The following RIMS2 variants were observed in gnomAD, a reference collection of about 807,000 sequenced individuals.
RIMS2 encodes the protein regulating synaptic membrane exocytosis protein 2.
A neutral mutation model predicts 174.4 loss-of-function variants in RIMS2; 59 were observed. That is an observed-to-expected ratio of 0.34 (90% CI 0.27 to 0.42). The LOEUF (loss-of-function observed/expected upper bound fraction) is 0.42. Among genes scored for constraint, RIMS2 ranks in the 10% least tolerant of loss-of-function variants. RIMS2 has a pLI of 1.00. For missense variants in RIMS2, 1,620 were observed against 1,666.3 expected (o/e 0.97, Z 0.48); for synonymous variants, 606 against 572.5 (o/e 1.06, Z -0.84).
intron 3 of RIMS2, among the ~76,000 whole-genome samples, chr8:103,800,573 C>T (rs1031345567): frequency 6.6e-6 from 1 of 151,988 alleles, no homozygotes; most frequent in African/African-American, 2.4e-5. Context: ...TTTTTTTATG[C>T]CTCTGTTGAA....
intron 15 of RIMS2, among the ~76,000 whole-genome samples, chr8:103,970,030 G>T (rs1368278757): frequency 6.6e-6 from 1 of 152,186 alleles, no homozygotes; most frequent in Non-Finnish European, 1.5e-5. Flanking sequence ...GATTACAGGT[G>T]TGAGCCACTA....
chr8:103,885,359 G>A, exon 4 of RIMS2: 3 of 1,611,924 alleles, frequency 1.9e-6, no homozygotes, highest in Non-Finnish European at 2.5e-6. Flanking sequence ...GGAAGAAAGA[G>A]AGGAATATTC....
intron 9 of RIMS2, chr8:103,920,926 G>A: frequency 6.4e-6 from 2 of 313,746 alleles, no homozygotes; most frequent in Non-Finnish European, 1.2e-5. Context: ...GTGAACCCGG[G>A]AGGCGGAGCT....
At chr8:103,726,703 TTA>T (rs1297079241) in intron 2 of RIMS2, among the ~76,000 whole-genome samples, 1 of 147,850 alleles carries the variant, frequency 6.8e-6, no homozygotes, top group Non-Finnish European at 1.5e-5. Context: ...TTTATATTAA[TTA>T]TATATATATT....
intron 3 of RIMS2, among the ~76,000 whole-genome samples, chr8:103,835,421 A>G (rs2098875722): frequency 6.6e-6 from 1 of 151,922 alleles, no homozygotes; most frequent in African/African-American, 2.4e-5. Context: ...TTTCTAACAT[A>G]TATTTAGCCT....
chr8:104,027,534 T>A (rs1384944585), intron 19 of RIMS2, among the ~76,000 whole-genome samples: 1 of 152,164 alleles, frequency 6.6e-6, no homozygotes, highest in Non-Finnish European at 1.5e-5. Context: ...AATCATCTTC[T>A]CTTTGTTGTT....
At chr8:104,018,760 A>G (rs2095998159) in intron 19 of RIMS2, among the ~76,000 whole-genome samples, 1 of 152,186 alleles carries the variant, frequency 6.6e-6, no homozygotes, top group South Asian at 2.1e-4. Flanking sequence ...AATTCCATTA[A>G]AACATTTATA....
rs191425810 is a variant in RIMS2, at chr8:103,752,276, T to C, written c.388-13951T>C. On this transcript the variant is annotated intron_variant, in intron 2 of 23. Transcript: ENST00000504942. Reference sequence around the variant, plus strand: ...AGATAGTTGTAGATATGCAGCGTTATTTCTGAGGGCTCTGTTCTGTTCCAT... The same window carrying C: ...AGATAGTTGTAGATATGCAGCGTTACTTCTGAGGGCTCTGTTCTGTTCCAT... Among the ~76,000 whole-genome samples the C allele has an allele frequency of 6.2e-3, 939 of 152,274 alleles. 5 individuals carry two copies. Among genetic ancestry groups the C allele is most frequent in the Non-Finnish European group, 0.011 (734 of 68,018 alleles).
chr8:103,910,134 G>A (rs748639640), exon 5 of RIMS2: 2 of 1,602,142 alleles, frequency 1.2e-6, no homozygotes, highest in African/African-American at 2.7e-5. Flanking sequence ...ACTCTCACAG[G>A]AGACATGGAT....
At chr8:103,985,761 A>G (rs1030866513) in intron 16 of RIMS2, among the ~76,000 whole-genome samples, 6 of 152,224 alleles carry the variant, frequency 3.9e-5, no homozygotes. Context: ...AAATGTAAAT[A>G]TACACAATGA....
Position 103,896,048 on chromosome 8 carries a change from T to A in RIMS2, c.1624+9825T>A, listed in dbSNP as rs879562862. ...GTGCTCTCTCAGGATCTCCCCTGTG[T>A]CTAAGAAGTGGTATAATTTCTTAGC... On this transcript the variant is annotated intron_variant, in intron 4 of 23. Coordinates refer to ENST00000504942, the Ensembl canonical transcript of RIMS2. Among the ~76,000 whole-genome samples the A allele has an allele frequency of 2.0e-5, 3 of 151,672 alleles. 1 individual carries two copies. Among genetic ancestry groups the A allele is most frequent in the African/African-American group, 4.9e-5 (2 of 41,030 alleles).
chr8:103,834,801 G>T (rs1051174413), intron 3 of RIMS2, among the ~76,000 whole-genome samples: 3 of 148,430 alleles, frequency 2.0e-5, no homozygotes, highest in Non-Finnish European at 3.0e-5. Flanking sequence ...TCGAGACAGG[G>T]TCTCACTGTA....
chr8:103,711,454 T>C (rs2097302478), intron 2 of RIMS2, among the ~76,000 whole-genome samples: 1 of 152,204 alleles, frequency 6.6e-6, no homozygotes, highest in African/African-American at 2.4e-5. Flanking sequence ...ATAGCAATTT[T>C]AATTTAAAAA....
chr8:104,219,225 C>T (rs905889332), intron 19 of RIMS2, among the ~76,000 whole-genome samples: 1 of 152,158 alleles, frequency 6.6e-6, no homozygotes, highest in African/African-American at 2.4e-5. Context: ...TTTACAGATG[C>T]ATTGTCGACA....
Position 104,089,139 on chromosome 8 carries a change from G to GC in RIMS2, c.3334+74524_3334+74525insC, listed in dbSNP as rs553317745. Among the ~76,000 whole-genome samples, 61 of 151,888 alleles carry GC rather than the reference G, an allele frequency of 4.0e-4. 1 individual carries two copies. The South Asian group carries it at 0.012, about 30-fold the overall frequency. Reference sequence around the variant, plus strand: ...AGCTAAGATCGTATTATCCTTCTTTGTTTTTGTTCCATTAAAGAGAATGGT... The same window carrying GC: ...AGCTAAGATCGTATTATCCTTCTTTGCTTTTTGTTCCATTAAAGAGAATGGT... On this transcript the variant is annotated intron_variant, in intron 19 of 23. Coordinates refer to ENST00000504942, the Ensembl canonical transcript of RIMS2.
At chr8:103,872,745 T>C (rs1213953623) in intron 3 of RIMS2, among the ~76,000 whole-genome samples, 1 of 152,204 alleles carries the variant, frequency 6.6e-6, no homozygotes, top group African/African-American at 2.4e-5. Flanking sequence ...TCACTAAGAA[T>C]GCGTAGCTTT....
chr8:104,131,622 C>T (rs1374991560), intron 19 of RIMS2, among the ~76,000 whole-genome samples: 3 of 152,050 alleles, frequency 2.0e-5, no homozygotes, highest in Non-Finnish European at 2.9e-5. Context: ...TGGAAGCAAT[C>T]ATGCAGTTAT....
chr8:104,061,190 T>C (rs2154560379), intron 19 of RIMS2, among the ~76,000 whole-genome samples: 1 of 152,302 alleles, frequency 6.6e-6, no homozygotes, highest in East Asian at 1.9e-4. Flanking sequence ...CTGCCGTTAT[T>C]ATTGTGTGGG....
chr8:103,649,645 A>AT (rs1197886609), intron 1 of RIMS2, among the ~76,000 whole-genome samples: 1 of 138,678 alleles, frequency 7.2e-6, no homozygotes, highest in Non-Finnish European at 1.6e-5. Flanking sequence ...ATGCCTTTTC[A>AT]TTCTTTTTTT....
Sources: allele counts gnomAD v4.1 joint callset (sites outside exome capture counted in the v4.1 genomes callset), GRCh38; gene constraint gnomAD v4.1.1; transcripts MANE v1.5; gene names NCBI Gene and HGNC (gene_info 2026-07-23, HGNC 2026-07-21).